ARMCX4: variants seen among roughly 807,000 people sequenced by gnomAD.
ARMCX4 encodes the protein armadillo repeat-containing X-linked protein 4.
ARMCX4 carries 3 observed loss-of-function variants against 34.7 expected under a neutral mutation model. The ratio of observed to expected loss-of-function variants is 0.09; its 90% CI spans 0.04 to 0.22. ARMCX4 has a LOEUF of 0.22. ARMCX4 is among the 10% of genes least tolerant of loss of function. The pLI is 1.00. For synonymous variants in ARMCX4, 513 were observed against 632.8 expected (o/e 0.81, Z 2.84); for missense variants, 1,448 against 1,720.8 (o/e 0.84, Z 2.81).
In ARMCX4 at chrX:101,490,906, A is replaced by C; in HGVS notation, c.2317A>C (p.Asn773His). Residue 773 changes from asparagine to histidine, a missense_variant, in exon 6 of 6, where the codon AAT becomes CAT. Physicochemically the swap from Asn to His is moderately conservative, Grantham distance 68. This residue lies in a region of ARMCX4 where 1,343 missense variants were observed against 1,540.7 expected (regional missense o/e 0.87). Transcript: ENST00000423738. ...GAKNKVKANL[N>H]AVSKAEAGMG... is the part of the protein sequence containing the mutation. ...CAAAAATAAGGTCAAGGCCAATCTT[A>C]ATGCTGTGTCTAAGGCAGAAGCTGG... 1 of 1,153,945 alleles carries C rather than the reference A, an allele frequency of 8.7e-7. No homozygotes were observed. The highest frequency in any genetic ancestry group is 1.1e-6 in the Non-Finnish European group (1 of 872,400).
downstream of ARMCX4, among the ~76,000 whole-genome samples, chrX:101,535,587 CTT>C (rs1346538841): frequency 9.0e-6 from 1 of 111,280 alleles, no homozygotes; most frequent in Non-Finnish European, 1.9e-5. Flanking sequence ...TGCTTTCAGA[CTT>C]ATGTTATTTG....
intron 4 of ARMCX4, among the ~76,000 whole-genome samples, chrX:101,461,936 G>A (rs892349125): frequency 3.6e-5 from 4 of 111,958 alleles, no homozygotes; most frequent in African/African-American, 1.3e-4. Context: ...GCAAACTAAT[G>A]GGGCTTATAT....
At chrX:101,453,521 T>G (rs1459795573) in intron 4 of ARMCX4, among the ~76,000 whole-genome samples, 2 of 111,797 alleles carry the variant, frequency 1.8e-5, no homozygotes, top group Non-Finnish European at 3.8e-5. Flanking sequence ...TGTCTTCATA[T>G]CATAGTTTGA....
In ARMCX4 at chrX:101,454,528, C is replaced by T. The variant is rs182622640; in HGVS notation, c.-473+8484C>T. Among the ~76,000 whole-genome samples, 46 of 108,940 alleles carry T rather than the reference C, an allele frequency of 4.2e-4. No homozygotes were observed. In the East Asian group the frequency reaches 0.013, roughly 31 times the overall value. 94.6% of individuals were successfully genotyped at this position (108,940 alleles called of 115,157 possible). On this transcript the variant is annotated intron_variant and NMD_transcript_variant, in intron 4 of 15. Transcript: ENST00000433011. ...GTCTCGATCTCCTGACCTCGTGATC[C>T]GCCCACCTCGGCCTCCCAAAGTGCT...
chrX:101,445,292 C>G (rs891695763), intron 3 of ARMCX4, among the ~76,000 whole-genome samples: 31 of 112,233 alleles, frequency 2.8e-4, no homozygotes, highest in African/African-American at 9.7e-4. Flanking sequence ...AAGCTCCCCC[C>G]ACTATGGATA....
downstream of ARMCX4, among the ~76,000 whole-genome samples, chrX:101,534,524 AAAGAT>A (rs1276297098): frequency 9.0e-6 from 1 of 111,582 alleles, no homozygotes; most frequent in Non-Finnish European, 1.9e-5. Flanking sequence ...AGAAGAAAGA[AAAGAT>A]AACAGATTAA....
intron 8 of ARMCX4, among the ~76,000 whole-genome samples, chrX:101,506,784 G>T (rs1396191489): frequency 2.7e-5 from 3 of 110,510 alleles, no homozygotes; most frequent in Admixed American, 1.9e-4. Flanking sequence ...TTCAGAACCT[G>T]GTTTTTAAAA....
chrX:101,524,161 A>G (rs1556019806), intron 11 of ARMCX4: 1 of 111,727 alleles, frequency 9.0e-6, no homozygotes, highest in African/African-American at 3.3e-5. Flanking sequence ...CCCATTTTGG[A>G]GTAGAAAATA....
chrX:101,494,900 T>C lies in ARMCX4; in HGVS notation c.6311T>C (p.Leu2104Ser). 3.5e-6 allele frequency: 4 copies of C among 1,155,935 alleles called. No individual in the cohort carries two copies. Among genetic ancestry groups the C allele is most frequent in the Non-Finnish European group, 3.4e-6 (3 of 872,884 alleles). ...NPYPSVRQKA[L>S]NALNNISVAA... ...TACCCCAGTGTTAGGCAGAAGGCTT[T>C]AAATGCACTGAATAATATCTCAGTG... The change falls in exon 6 of 6, where the codon TTA becomes TCA. Residue 2104 changes from leucine (L) to serine (S), a missense_variant. Around this residue, in one of 2 missense-constraint regions of ARMCX4, gnomAD observed 105 missense variants for 180.2 expected, o/e 0.58. Coordinates refer to ENST00000423738, the MANE Select transcript of ARMCX4 (RefSeq NM_001256155.3).
intron 2 of ARMCX4, among the ~76,000 whole-genome samples, chrX:101,419,576 A>T (rs1169118945): frequency 8.9e-6 from 1 of 111,940 alleles, no homozygotes; most frequent in Non-Finnish European, 1.9e-5. Context: ...AGAAACATAC[A>T]CTGGCCTGAG....
At chrX:101,460,260 A>T (rs782329198) in intron 4 of ARMCX4, among the ~76,000 whole-genome samples, 3 of 112,039 alleles carry the variant, frequency 2.7e-5, no homozygotes, top group Non-Finnish European at 5.6e-5. Context: ...GGGTGACACT[A>T]TATCATTCTC....
chrX:101,432,659 C>CA lies in ARMCX4; in HGVS notation n.165-11385dup, dbSNP rs782805053. 1.3e-4 allele frequency among the ~76,000 whole-genome samples: 14 copies of CA among 105,561 alleles called. No homozygotes were observed. In the East Asian group the frequency reaches 3.0e-3, roughly 22 times the overall value. 91.7% of individuals were successfully genotyped at this position (105,561 alleles called of 115,157 possible). On this transcript the variant is annotated intron_variant and non_coding_transcript_variant, in intron 2 of 3. Coordinates refer to the ARMCX4 transcript ENST00000430461. Reference sequence around the variant, plus strand: ...CTGGCAACAGAGCGAGATTCTGTCTCAAAAAAAACCCCATGTATATACATA... The same window carrying CA: ...CTGGCAACAGAGCGAGATTCTGTCTCAAAAAAAAACCCCATGTATATACATA...
At chrX:101,432,770 G>C (rs1010491216) in intron 2 of ARMCX4, among the ~76,000 whole-genome samples, 2 of 75,227 alleles carry the variant, frequency 2.7e-5, no homozygotes, top group Non-Finnish European at 5.6e-5. Context: ...ACGTATATAT[G>C]TATACATATA....
At chrX:101,499,595 C>A (rs1343971821), downstream of ARMCX4, among the ~76,000 whole-genome samples, 1 of 111,762 alleles carries the variant, frequency 8.9e-6, no homozygotes, top group African/African-American at 3.3e-5. Context: ...AATGATGATG[C>A]CTCTGAAACA....
chrX:101,470,863 G>A (rs1474786521), intron 4 of ARMCX4, among the ~76,000 whole-genome samples: 1 of 111,550 alleles, frequency 9.0e-6, no homozygotes, highest in Non-Finnish European at 1.9e-5. Context: ...GGGTTGTATG[G>A]TAAGCGAATG....
Position 101,425,816 on chromosome X carries a change from ATTAT to A in ARMCX4, n.164+6831_164+6834del, listed in dbSNP as rs782647124. Among the ~76,000 whole-genome samples the A allele has an allele frequency of 8.1e-5, 9 of 110,500 alleles. No homozygotes were observed. The East Asian group carries it at 1.7e-3, about 21-fold the overall frequency. ...CTACGGGTCAAGAGAGGCCTTTCAA[ATTAT>A]TTATTTATTTATTTTTTTGAGACAG... On this transcript the variant is annotated intron_variant and non_coding_transcript_variant, in intron 2 of 3. Coordinates refer to the ARMCX4 transcript ENST00000430461.
downstream of ARMCX4, among the ~76,000 whole-genome samples, chrX:101,451,021 C>T (rs1931946389): frequency 9.0e-6 from 1 of 111,406 alleles, no homozygotes; most frequent in Non-Finnish European, 1.9e-5. Context: ...AGCTGTCTGC[C>T]TGGGGTTGGA....
chrX:101,482,693 C>T (rs1603203339), upstream of ARMCX4, among the ~76,000 whole-genome samples: 1 of 110,885 alleles, frequency 9.0e-6, no homozygotes, highest in East Asian at 2.8e-4. Flanking sequence ...AGCCATCACA[C>T]TTGGCCTTGG....
In ARMCX4 at chrX:101,495,031, A is replaced by G; in HGVS notation, c.6442A>G (p.Ile2148Val). 1 of 1,153,826 alleles carries G rather than the reference A, an allele frequency of 8.7e-7. No homozygotes were observed. The highest frequency in any genetic ancestry group is 1.1e-6 in the Non-Finnish European group (1 of 870,689). ...TGTGCAGTTGGCTGGACTAAGGTTG[A>G]TAAGGCATCTGACTATTACCAGTGA... ...SNVQLAGLRL[I>V]RHLTITSEYQ... The change falls in exon 6 of 6, where the codon ATA (isoleucine) becomes GTA (valine). Residue 2148 changes from isoleucine (I) to valine (V), a missense_variant. Around this residue, in one of 2 missense-constraint regions of ARMCX4, gnomAD observed 105 missense variants for 180.2 expected, o/e 0.58. Transcript: ENST00000423738.
Sources: allele counts gnomAD v4.1 joint callset (sites outside exome capture counted in the v4.1 genomes callset), GRCh38; gene constraint gnomAD v4.1.1; regional missense constraint gnomAD v4.1.1; transcripts MANE v1.5; gene names NCBI Gene and HGNC (gene_info 2026-07-23, HGNC 2026-07-21).